The following DST variants were observed in gnomAD, a reference collection of about 807,000 sequenced individuals.
DST encodes dystonin.
DST carries 253 observed loss-of-function variants against 875.2 expected under a neutral mutation model. That is an observed-to-expected ratio of 0.29 (90% CI 0.26 to 0.32). The LOEUF (loss-of-function observed/expected upper bound fraction) is 0.32. DST is among the 10% of genes least tolerant of loss of function. The probability of loss-of-function intolerance (pLI) is 1.00; values close to 1 mark genes in which losing one functional copy is unlikely to be tolerated. For synonymous variants in DST, 3,124 were observed against 3,197.1 expected (o/e 0.98, Z 0.77); for missense variants, 8,287 against 9,111.6 (o/e 0.91, Z 3.68).
At chr6:56,875,105 T>A (rs553480015) in intron 3 of DST, among the ~76,000 whole-genome samples, 63 of 152,310 alleles carry the variant, frequency 4.1e-4, no homozygotes, top group African/African-American at 1.4e-3. Context: ...TGCCTCAGCC[T>A]CCCGAGTAGC....
intron 60 of DST, among the ~76,000 whole-genome samples, chr6:56,554,073 CTTTTTTTTTTTTT>C (rs555704557): frequency 2.8e-4 from 23 of 80,822 alleles, no homozygotes; most frequent in African/African-American, 4.5e-4. Context: ...GCGTCTATGA[CTTTTTTTTTTTTT>C]TTTTTTTTTT....
At position 56,535,148 on chromosome 6, in the gene DST, C is replaced by T. The variant is rs1235183908; in HGVS notation, c.16915G>A (p.Val5639Ile). The change falls in exon 63 of 104, where the codon GTA (valine) becomes ATA (isoleucine). Residue 5639 changes from valine to isoleucine, a missense_variant. Physicochemically the swap from Val to Ile is conservative, Grantham distance 29. Transcript: ENST00000680361. ...TTTTGTTCTTGTATCTGGGCCTTTACCACTTTGAACTCAGCCGACGGGGGC... is the reference window on the plus strand; with the variant it reads ...TTTTGTTCTTGTATCTGGGCCTTTATCACTTTGAACTCAGCCGACGGGGGC... Reference protein sequence around the residue: ...QKPPSAEFKVVKAQIQEQKLL... With the variant: ...QKPPSAEFKVIKAQIQEQKLL... 1.2e-6 allele frequency: 2 copies of T among 1,613,800 alleles called. No homozygotes were observed. Among genetic ancestry groups the T allele is most frequent in the Admixed American group, 3.3e-5 (2 of 59,992 alleles).
In DST at chr6:56,616,341, A is replaced by G. The variant is rs1267976103; in HGVS notation, c.4930-1857T>C. 6.2e-7 allele frequency: 1 copy of G among 1,613,728 alleles called. No individual in the cohort carries two copies. Among genetic ancestry groups the G allele is most frequent in the Non-Finnish European group, 8.5e-7 (1 of 1,180,018 alleles). On this transcript the variant is annotated intron_variant, in intron 36 of 103. Coordinates refer to ENST00000680361, the MANE Select transcript of DST (RefSeq NM_001374736.1). ...GATTCAAAAAACATAGCTTCCTTCC[A>G]CTGATATTGCTGCCCTGAAAGTTCA...
intron 3 of DST, among the ~76,000 whole-genome samples, chr6:56,894,894 G>A (rs1180844520): frequency 7.0e-5 from 4 of 57,340 alleles, no homozygotes; most frequent in East Asian, 5.5e-4. Context: ...GCGGCTGGCC[G>A]GGCAGAGGGG....
intron 4 of DST, among the ~76,000 whole-genome samples, chr6:56,845,767 G>A (rs941073078): frequency 1.3e-5 from 2 of 152,160 alleles, no homozygotes; most frequent in African/African-American, 4.8e-5. Flanking sequence ...CTGACACCCA[G>A]TAGCACCCAG....
At chr6:56,778,425 C>T (rs1263082666) in intron 4 of DST, among the ~76,000 whole-genome samples, 2 of 148,298 alleles carry the variant, frequency 1.3e-5, no homozygotes, top group African/African-American at 2.5e-5. Context: ...GGTACATGTG[C>T]ACAACGTGCA....
At chr6:56,644,329 A>G (rs557980654) in intron 15 of DST, among the ~76,000 whole-genome samples, 18 of 152,342 alleles carry the variant, frequency 1.2e-4, no homozygotes, top group Non-Finnish European at 2.1e-4. Context: ...TTTAACATAA[A>G]TGTAATCAGT....
chr6:56,927,605 G>A (rs1412603544), intron 2 of DST, among the ~76,000 whole-genome samples: 2 of 151,966 alleles, frequency 1.3e-5, no homozygotes, highest in Non-Finnish European at 2.9e-5. Flanking sequence ...AAGTGTCTAG[G>A]GTTAGAAAAG....
At chr6:56,634,091 A>G (rs1302744533) in intron 27 of DST, 41 bp downstream of exon 27, 1 of 1,610,694 alleles carries the variant, frequency 6.2e-7, no homozygotes, top group African/African-American at 1.3e-5. Flanking sequence ...AGGCATGCAC[A>G]TTTTTGGACA....
At position 56,954,669 on chromosome 6, in the gene DST, G is replaced by A. The variant is rs1471668001; in HGVS notation, c.-82C>T. 3.0e-6 allele frequency: 3 copies of A among 984,292 alleles called. No homozygotes were observed. The highest frequency in any genetic ancestry group is 1.3e-6 in the Non-Finnish European group (1 of 790,274). 61.0% of individuals were successfully genotyped at this position (984,292 alleles called of 1,614,324 possible). On this transcript the variant is annotated 5_prime_UTR_variant, in exon 1 of 104. Coordinates refer to ENST00000680361, the MANE Select transcript of DST (RefSeq NM_001374736.1). ...ACCCGCGCTGGGCGCACGCCGGGAC[G>A]GCGGGCACGGGTGAGCGCGGCTCAG...
rs772356953 is a variant in DST, at chr6:56,494,131, A to G, written c.20273T>C (p.Met6758Thr). 16 of 1,611,652 alleles carry G rather than the reference A, an allele frequency of 9.9e-6. No individual in the cohort carries two copies. In the Admixed American group the frequency reaches 2.5e-4, roughly 25 times the overall value. Reference protein sequence around the residue: ...EAKEETYKSLMQKGQQMLARC... With the variant: ...EAKEETYKSLTQKGQQMLARC... ...TGCAAGCATCTGCTGGCCTTTCTGC[A>G]TCAGACTCTTATATGTTTCTTCTTT... is the stretch of plus-strand genomic sequence containing the variant. Residue 6758 changes from methionine to threonine, a missense_variant, in exon 83 of 104, where the codon ATG becomes ACG. Physicochemically the swap from Met to Thr is moderately conservative, Grantham distance 81 (BLOSUM62 -1). Coordinates refer to ENST00000680361, the MANE Select transcript of DST (RefSeq NM_001374736.1).
At position 56,949,720 on chromosome 6, in the gene DST, C is replaced by T. The variant is rs556129433; in HGVS notation, c.216+4065G>A. On this transcript the variant is annotated intron_variant, in intron 2 of 103. Coordinates refer to ENST00000680361, the MANE Select transcript of DST (RefSeq NM_001374736.1). Reference sequence around the variant, plus strand: ...AGTGTAAATTAATTTAGACCTAAAACGTAACTCTAGACAAATTATTTATTT... The same window carrying T: ...AGTGTAAATTAATTTAGACCTAAAATGTAACTCTAGACAAATTATTTATTT... 2.0e-5 allele frequency among the ~76,000 whole-genome samples: 3 copies of T among 152,240 alleles called. No homozygotes were observed. In the South Asian group the frequency reaches 6.2e-4, roughly 32 times the overall value.
intron 2 of DST, among the ~76,000 whole-genome samples, chr6:56,940,594 T>C (rs1038015530): frequency 6.6e-6 from 1 of 152,082 alleles, no homozygotes; most frequent in Non-Finnish European, 1.5e-5. Context: ...TTATTTACTT[T>C]ATTTTGAGAC....
At position 56,869,162 on chromosome 6, in the gene DST, T is replaced by G. The variant is rs150147147; in HGVS notation, c.418-17558A>C. ...GGCTCTGATCTGAGGGGACCTATTT[T>G]GGGGAGTCTAGTCATACAAAAACAA... is the stretch of plus-strand genomic sequence containing the variant. On this transcript the variant is annotated intron_variant, in intron 3 of 103. Transcript: ENST00000680361. 4.6e-3 allele frequency among the ~76,000 whole-genome samples: 703 copies of G among 152,338 alleles called. 5 individuals carry two copies. Among genetic ancestry groups the G allele is most frequent in the African/African-American group, 0.016 (682 of 41,578 alleles).
In DST at chr6:56,517,228, T is replaced by C. The variant is rs763476663; in HGVS notation, c.18327A>G (p.Ala6109=). 1.1e-5 allele frequency: 18 copies of C among 1,613,320 alleles called. No homozygotes were observed. The highest frequency in any genetic ancestry group is 1.4e-5 in the Non-Finnish European group (17 of 1,179,534). ...TTGATTGCTTTTCCTCTTCACTGCA[T>C]GCGGTCATGATTTTATGCCCAGATT... The part of the protein sequence containing the change: ...LVKSGHKIMT[A]CSEEEKQSMK... Residue 6109 remains alanine (A), a synonymous_variant, in exon 71 of 104, where the codon GCA becomes GCG. Coordinates refer to ENST00000680361, the MANE Select transcript of DST (RefSeq NM_001374736.1).
At chr6:56,652,374 A>G (rs2098981214) in intron 10 of DST, among the ~76,000 whole-genome samples, 1 of 152,230 alleles carries the variant, frequency 6.6e-6, no homozygotes, top group African/African-American at 2.4e-5. Flanking sequence ...AAAGCCTTCA[A>G]AGAGTGGTAC....
At chr6:56,700,550 T>C (rs2099295629) in intron 8 of DST, among the ~76,000 whole-genome samples, 1 of 152,202 alleles carries the variant, frequency 6.6e-6, no homozygotes, top group African/African-American at 2.4e-5. Flanking sequence ...GCCATAAATA[T>C]ATAAGTCACT....
At position 56,954,619 on chromosome 6, in the gene DST, G is replaced by A. The variant is rs1223929200; in HGVS notation, c.-32C>T. ...GGCGAGGCGAGGGCGACTCGACGGC[G>A]GGGCTGGAGGGCGGCGGCACAGGCA... On this transcript the variant is annotated 5_prime_UTR_variant, in exon 1 of 104. Coordinates refer to ENST00000680361, the MANE Select transcript of DST (RefSeq NM_001374736.1). The A allele has an allele frequency of 6.9e-6, 9 of 1,297,358 alleles. No individual in the cohort carries two copies. The South Asian group carries it at 1.0e-4, about 15-fold the overall frequency. The allele number at this position is 1,297,358 out of a possible 1,614,324, so 80.4% of individuals were successfully genotyped here.
At chr6:56,846,545 C>G (rs138461374) in intron 4 of DST, among the ~76,000 whole-genome samples, 169 of 152,332 alleles carry the variant, frequency 1.1e-3, no homozygotes, top group African/African-American at 4.0e-3. Context: ...ATCTGTATTG[C>G]TCATATGTAA....
Sources: gnomAD v4.1 joint callset for allele counts (sites outside exome capture counted in the v4.1 genomes callset) on GRCh38, gnomAD v4.1.1 for gene constraint, MANE v1.5 for transcripts, NCBI Gene and HGNC (gene_info 2026-07-23, HGNC 2026-07-21) for gene names.